RBMS1: variants seen among roughly 807,000 people sequenced by gnomAD.
RBMS1 encodes RNA binding motif single stranded interacting protein 1.
In RBMS1, 17 loss-of-function variants were observed where a neutral mutation model predicts 62.3. The observed-to-expected ratio is 0.27, with a 90% CI of 0.19 to 0.41. The LOEUF (loss-of-function observed/expected upper bound fraction) is 0.41. RBMS1 is among the 10% of genes least tolerant of loss of function. The probability of loss-of-function intolerance (pLI) is 1.00; values close to 1 mark genes in which losing one functional copy is unlikely to be tolerated. For missense variants in RBMS1, 334 were observed against 504.5 expected, an observed-to-expected ratio of 0.66 and a Z score of 3.24; for synonymous variants, 172 against 170.0, an observed-to-expected ratio of 1.01 and a Z score of -0.09.
At chr2:160,482,218 T>C (rs1559606351) in intron 1 of RBMS1, among the ~76,000 whole-genome samples, 1 of 151,910 alleles carries the variant, frequency 6.6e-6, no homozygotes. Context: ...AAAGGATACA[T>C]ACAATATGGT....
chr2:160,410,114 C>T (rs1695963357), intron 1 of RBMS1, among the ~76,000 whole-genome samples: 1 of 147,288 alleles, frequency 6.8e-6, no homozygotes, highest in Non-Finnish European at 1.5e-5. Flanking sequence ...CCCAGCTACT[C>T]AGGAGGCTGA....
At chr2:160,456,484 T>C (rs1170421478) in intron 1 of RBMS1, among the ~76,000 whole-genome samples, 1 of 152,234 alleles carries the variant, frequency 6.6e-6, no homozygotes, top group Non-Finnish European at 1.5e-5. Flanking sequence ...TTACTCCTTC[T>C]AATGGAAAGT....
chr2:160,303,419 T>C lies in RBMS1; in HGVS notation c.471A>G (p.Leu157=), dbSNP rs771209601. 3.1e-6 allele frequency: 5 copies of C among 1,613,470 alleles called. No individual in the cohort carries two copies. In the South Asian group the frequency reaches 4.4e-5, roughly 14 times the overall value. ...GTCCAAATGGTTTGAGCATATTTTC[T>C]AGTTCTTGCTCATCCATGGAGAGTG... ...NLPLSMDEQE[L]ENMLKPFGQV... The change falls in exon 5 of 14, where the codon CTA becomes CTG. Residue 157 remains leucine (L), a synonymous_variant. Transcript: ENST00000348849.
chr2:160,459,792 T>C (rs902212359), intron 1 of RBMS1, among the ~76,000 whole-genome samples: 1 of 152,190 alleles, frequency 6.6e-6, no homozygotes, highest in Non-Finnish European at 1.5e-5. Context: ...ATTTACTAAA[T>C]AGATGATCTA....
intron 1 of RBMS1, among the ~76,000 whole-genome samples, chr2:160,438,928 C>T (rs552667734): frequency 0.026 from 3,817 of 148,780 alleles, 67 homozygotes; most frequent in Middle Eastern, 0.054. Context: ...GGCGGCTGGC[C>T]GGGCAGAGGG....
At chr2:160,320,742 TGCTGTGCTTCTTGTACAACCG>T (rs769483338) in intron 2 of RBMS1, among the ~76,000 whole-genome samples, 19 of 152,162 alleles carry the variant, frequency 1.2e-4, no homozygotes, top group Admixed American at 2.6e-4. Context: ...CAAGCGCTGA[TGCTGTGCTTCTTGTACAACCG>T]GCAGAACTAC....
intron 1 of RBMS1, among the ~76,000 whole-genome samples, chr2:160,464,093 C>T (rs551347393): frequency 6.6e-6 from 1 of 152,136 alleles, no homozygotes; most frequent in African/African-American, 2.4e-5. Context: ...TAAATCAAGA[C>T]ATCCCCTTCA....
In RBMS1 at chr2:160,432,929, G is replaced by T. The variant is rs113543523; in HGVS notation, c.75+60360C>A. 7.7e-3 allele frequency among the ~76,000 whole-genome samples: 1,177 copies of T among 152,236 alleles called. 8 individuals are homozygous for T. The highest frequency in any genetic ancestry group is 0.014 in the Admixed American group (213 of 15,296). ...ACTACATAGCCTGCCCAACTACCCA[G>T]AACAGAGCAGAATTAGATCTGGGAA... On this transcript the variant is annotated intron_variant, in intron 1 of 13. Coordinates refer to ENST00000348849, the MANE Select transcript of RBMS1 (RefSeq NM_016836.4).
At chr2:160,476,617 G>C (rs4664330) in intron 1 of RBMS1, among the ~76,000 whole-genome samples, 40,081 of 144,478 alleles carry the variant, frequency 0.28, 6,203 homozygotes, top group East Asian at 0.59. Flanking sequence ...TGCAGTGGCG[G>C]GATCTCGGCT....
At chr2:160,422,118 G>C (rs1696458638) in intron 1 of RBMS1, among the ~76,000 whole-genome samples, 1 of 152,222 alleles carries the variant, frequency 6.6e-6, no homozygotes, top group African/African-American at 2.4e-5. Flanking sequence ...CATCCTCACA[G>C]AGTTTTTGTA....
At chr2:160,399,554 AC>A (rs1366819430) in intron 1 of RBMS1, among the ~76,000 whole-genome samples, 1 of 151,794 alleles carries the variant, frequency 6.6e-6, no homozygotes, top group African/African-American at 2.4e-5. Flanking sequence ...ACTTACACCT[AC>A]AACTCAATTA....
chr2:160,407,989 C>G, intron 1 of RBMS1: 1 of 897,254 alleles, frequency 1.1e-6, no homozygotes. Context: ...CGCCCGCCCG[C>G]TGGGCGCGGC....
In RBMS1 at chr2:160,471,720, C is replaced by T. The variant is rs1269828608; in HGVS notation, c.75+21569G>A. ...ATATATATATATATATATATATAAC[C>T]TTTCATACATTCTGATTATAAGTAG... is the stretch of plus-strand genomic sequence containing the variant. On this transcript the variant is annotated intron_variant, in intron 1 of 13. Transcript: ENST00000348849. Among the ~76,000 whole-genome samples, 36 of 16,204 alleles carry T rather than the reference C, an allele frequency of 2.2e-3. No homozygotes were observed. The East Asian group carries it at 0.069, about 31-fold the overall frequency. The allele number at this position is 16,204 out of a possible 152,430, so 10.6% of individuals were successfully genotyped here.
intron 1 of RBMS1, among the ~76,000 whole-genome samples, chr2:160,377,673 T>C (rs930739222): frequency 1.3e-5 from 2 of 152,162 alleles, no homozygotes; most frequent in African/African-American, 4.8e-5. Flanking sequence ...GAGCCAATAA[T>C]TATCCACTAG....
chr2:160,284,477 GACACATGGTGTCCAA>G (rs1471346237), intron 9 of RBMS1: 12 of 381,148 alleles, frequency 3.1e-5, no homozygotes, highest in Non-Finnish European at 5.9e-5. Flanking sequence ...CAATTTTTGG[GACACATGGTGTCCAA>G]AAGCAGGGCC....
intron 1 of RBMS1, among the ~76,000 whole-genome samples, chr2:160,413,423 A>G (rs1696103791): frequency 1.3e-5 from 2 of 152,206 alleles, no homozygotes; most frequent in Admixed American, 6.5e-5. Context: ...AAAGTACCCT[A>G]TTTCTAAAGT....
chr2:160,285,888 G>C (rs1688358661), intron 7 of RBMS1, among the ~76,000 whole-genome samples: 1 of 151,890 alleles, frequency 6.6e-6, no homozygotes, highest in African/African-American at 2.4e-5. Context: ...GAGGTGGGTG[G>C]ATCATGAGGC....
Position 160,272,528 on chromosome 2 carries a change from C to T in RBMS1, c.*2244G>A, listed in dbSNP as rs544674901. The stretch of plus-strand genomic sequence containing the variant: ...TTATGTTTCCCAAATCTTACCCAGA[C>T]GAGTATGGCACTTAGTTCAGACATT... On this transcript the variant is annotated 3_prime_UTR_variant, in exon 14 of 14. Coordinates refer to ENST00000348849, the MANE Select transcript of RBMS1 (RefSeq NM_016836.4). The T allele has an allele frequency of 5.3e-5, 8 of 151,032 alleles. No homozygotes were observed. Among genetic ancestry groups the T allele is most frequent in the African/African-American group, 1.9e-4 (8 of 41,056 alleles). The allele number at this position is 151,032 out of a possible 1,614,324, so 9.4% of individuals were successfully genotyped here. A position where few individuals can be genotyped will look rare whatever the true frequency, so the allele number is the denominator to read the frequency against.
intron 1 of RBMS1, among the ~76,000 whole-genome samples, chr2:160,397,013 T>C (rs1469707478): frequency 6.6e-6 from 1 of 152,208 alleles, no homozygotes; most frequent in African/African-American, 2.4e-5. Context: ...CCTTAGCCTT[T>C]GGAACAGTGC....
Sources: gnomAD v4.1 joint callset for allele counts (sites outside exome capture counted in the v4.1 genomes callset) on GRCh38, gnomAD v4.1.1 for gene constraint, MANE v1.5 for transcripts, NCBI Gene and HGNC (gene_info 2026-07-23, HGNC 2026-07-21) for gene names.